Variants in ERLIN1 observed in about 807,000 individuals in gnomAD.
ERLIN1 encodes the protein erlin-1.
A neutral mutation model predicts 46.9 loss-of-function variants in ERLIN1; 24 were observed. The ratio of observed to expected loss-of-function variants is 0.51; its 90% CI spans 0.37 to 0.72. The LOEUF is 0.72. ERLIN1 is among the 30% of genes least tolerant of loss of function. The pLI is 0.00. For synonymous variants in ERLIN1, 158 were observed against 143.2 expected (o/e 1.10, Z -0.74); for missense variants, 293 against 417.9 (o/e 0.70, Z 2.61).
intron 2 of ERLIN1, among the ~76,000 whole-genome samples, chr10:100,182,348 A>C (rs1844708577): frequency 6.6e-6 from 1 of 152,094 alleles, no homozygotes; most frequent in Admixed American, 6.6e-5. Context: ...TTGATTTTTA[A>C]GGGTCTAATG....
intron 8 of ERLIN1, among the ~76,000 whole-genome samples, chr10:100,162,501 C>T (rs1371689641): frequency 6.6e-6 from 1 of 152,106 alleles, no homozygotes; most frequent in African/African-American, 2.4e-5. Flanking sequence ...AGCAATTTGT[C>T]AATATGTTGA....
At chr10:100,155,448 A>G (rs564558138) in intron 9 of ERLIN1, among the ~76,000 whole-genome samples, 8 of 150,180 alleles carry the variant, frequency 5.3e-5, no homozygotes, top group East Asian at 1.9e-4. Context: ...TTTCCCCCCA[A>G]TTAATTTTGT....
intron 7 of ERLIN1, among the ~76,000 whole-genome samples, chr10:100,165,621 C>T (rs990494181): frequency 7.2e-5 from 11 of 152,060 alleles, no homozygotes; most frequent in Non-Finnish European, 5.9e-5. Context: ...CTCCTGACCT[C>T]GTGATCCGCC....
At chr10:100,160,308 C>G (rs1187219201) in intron 8 of ERLIN1, among the ~76,000 whole-genome samples, 1 of 151,960 alleles carries the variant, frequency 6.6e-6, no homozygotes, top group Non-Finnish European at 1.5e-5. Context: ...ATGGCTTTTA[C>G]GAGTTCCACC....
At chr10:100,169,282 T>C (rs1049696601) in intron 6 of ERLIN1, among the ~76,000 whole-genome samples, 1 of 152,088 alleles carries the variant, frequency 6.6e-6, no homozygotes, top group African/African-American at 2.4e-5. Flanking sequence ...CCCACTCACA[T>C]ACATAGAGTG....
rs1014855528 is a variant in ERLIN1, at chr10:100,150,480, T to C, written c.*1651A>G. On this transcript the variant is annotated 3_prime_UTR_variant, in exon 11 of 11. Transcript: ENST00000421367. The stretch of plus-strand genomic sequence containing the variant: ...TTATTTTTATAATTCAAAAGTTCTT[T>C]TAAGGAGAACTAAAGAACACAAAAT... 1 of 152,636 alleles carries C rather than the reference T, an allele frequency of 6.6e-6. No individual in the cohort carries two copies. The highest frequency in any genetic ancestry group is 2.4e-5 in the African/African-American group (1 of 41,450). The allele number at this position is 152,636 out of a possible 1,614,324, so 9.5% of individuals were successfully genotyped here.
chr10:100,178,599 AC>A (rs1203895026), intron 3 of ERLIN1, among the ~76,000 whole-genome samples: 4 of 152,172 alleles, frequency 2.6e-5, no homozygotes, highest in Non-Finnish European at 1.5e-5. Context: ...CTCGGGCCTC[AC>A]CCCAGACCTA....
intron 10 of ERLIN1, among the ~76,000 whole-genome samples, chr10:100,152,807 T>A (rs2134094350): frequency 6.6e-6 from 1 of 152,274 alleles, no homozygotes; most frequent in East Asian, 1.9e-4. Flanking sequence ...CCTCCTACCT[T>A]GGCCTCCCAA....
intron 2 of ERLIN1, 31 bp from the exon 3 acceptor site, chr10:100,179,278 C>A: frequency 6.5e-7 from 1 of 1,527,134 alleles, no homozygotes; most frequent in South Asian, 1.2e-5. Context: ...CATCAACACT[C>A]AAGACACACA....
chr10:100,155,702 G>A (rs1409901316), intron 9 of ERLIN1, among the ~76,000 whole-genome samples: 2 of 152,060 alleles, frequency 1.3e-5, no homozygotes, highest in African/African-American at 4.8e-5. Flanking sequence ...TTTTAGTAGA[G>A]ACGGGGTTTC....
intron 9 of ERLIN1, among the ~76,000 whole-genome samples, chr10:100,155,664 G>A (rs1388362960): frequency 3.9e-5 from 6 of 151,960 alleles, no homozygotes; most frequent in South Asian, 2.1e-4. Flanking sequence ...ACAGGCGCCC[G>A]CCACCACGCC....
chr10:100,172,845 T>C (rs1299579590), intron 6 of ERLIN1, among the ~76,000 whole-genome samples: 4 of 152,188 alleles, frequency 2.6e-5, no homozygotes, highest in Non-Finnish European at 5.9e-5. Flanking sequence ...CTAAGTAATA[T>C]AAGGCAAGGA....
chr10:100,161,892 C>T (rs1417932584), intron 8 of ERLIN1, among the ~76,000 whole-genome samples: 1 of 151,970 alleles, frequency 6.6e-6, no homozygotes, highest in African/African-American at 2.4e-5. Context: ...AAACTGAATC[C>T]CTATGTCATA....
intron 6 of ERLIN1, among the ~76,000 whole-genome samples, chr10:100,168,319 G>A (rs551755102): frequency 2.6e-5 from 4 of 152,156 alleles, no homozygotes; most frequent in South Asian, 4.1e-4. Context: ...ACTTTTAAGC[G>A]ATATAGCATT....
chr10:100,165,099 A>G (rs1334362315), intron 7 of ERLIN1, among the ~76,000 whole-genome samples: 1 of 152,194 alleles, frequency 6.6e-6, no homozygotes, highest in Admixed American at 6.5e-5. Context: ...GCTACTGGGT[A>G]ACCACGTGGC....
intron 6 of ERLIN1, among the ~76,000 whole-genome samples, chr10:100,168,979 C>T (rs1843822688): frequency 6.6e-6 from 1 of 152,146 alleles, no homozygotes; most frequent in South Asian, 2.1e-4. Flanking sequence ...CCACCACACT[C>T]GGCCAGGACT....
At chr10:100,167,216 G>C in intron 7 of ERLIN1, 132 bp downstream of exon 7, 1 of 693,406 alleles carries the variant, frequency 1.4e-6, no homozygotes, top group South Asian at 1.7e-5. Flanking sequence ...AATATTACTA[G>C]AGTAAGAGTA....
chr10:100,169,039 A>AT (rs1843826628), intron 6 of ERLIN1, among the ~76,000 whole-genome samples: 1 of 152,180 alleles, frequency 6.6e-6, no homozygotes. Context: ...AACATACTAC[A>AT]TTGTGCTTGC....
chr10:100,157,947 G>C (rs753361219), intron 8 of ERLIN1, among the ~76,000 whole-genome samples: 1 of 152,254 alleles, frequency 6.6e-6, no homozygotes, highest in Non-Finnish European at 1.5e-5. Flanking sequence ...TAAAATGCTA[G>C]ATGAAATATA....
Sources: allele counts gnomAD v4.1 joint callset (sites outside exome capture counted in the v4.1 genomes callset), GRCh38; gene constraint gnomAD v4.1.1; transcripts MANE v1.5; gene names NCBI Gene and HGNC (gene_info 2026-07-23, HGNC 2026-07-21).